The following CCDC170 variants were observed in gnomAD, a reference collection of about 807,000 sequenced individuals.
CCDC170 encodes coiled-coil domain-containing protein 170.
In CCDC170, 69 loss-of-function variants were observed where a neutral mutation model predicts 72.6. The observed-to-expected ratio is 0.95, with a 90% CI of 0.78 to 1.16. The LOEUF (loss-of-function observed/expected upper bound fraction) is 1.16. Ranked by LOEUF, CCDC170 falls within the 50% of genes most tolerant of loss-of-function variation. CCDC170 has a pLI of 0.00. For missense variants in CCDC170, 852 were observed against 832.5 expected (o/e 1.02, Z -0.29); for synonymous variants, 300 against 303.9 (o/e 0.99, Z 0.13).
intron 1 of CCDC170, among the ~76,000 whole-genome samples, chr6:151,518,136 C>T (rs1782263621): frequency 6.6e-6 from 1 of 152,162 alleles, no homozygotes; most frequent in African/African-American, 2.4e-5. Context: ...CAGAAGAAGG[C>T]AACCTTTCTC....
intron 9 of CCDC170, among the ~76,000 whole-genome samples, chr6:151,606,036 G>A (rs1374614424): frequency 1.3e-5 from 2 of 151,868 alleles, no homozygotes; most frequent in Non-Finnish European, 2.9e-5. Context: ...CAAGTAGCTG[G>A]GATTACAGGT....
At chr6:151,558,800 T>G (rs1783029387) in intron 5 of CCDC170, among the ~76,000 whole-genome samples, 1 of 152,198 alleles carries the variant, frequency 6.6e-6, no homozygotes, top group Non-Finnish European at 1.5e-5. Context: ...ATTATAGCCT[T>G]GAAGTATATT....
intron 1 of CCDC170, among the ~76,000 whole-genome samples, chr6:151,528,285 T>C (rs996673104): frequency 6.6e-6 from 1 of 152,046 alleles, no homozygotes; most frequent in Admixed American, 6.5e-5. Flanking sequence ...TAAGGGAAGA[T>C]TGTTTGATAC....
At chr6:151,605,872 A>G (rs886967095) in intron 9 of CCDC170, among the ~76,000 whole-genome samples, 5 of 148,684 alleles carry the variant, frequency 3.4e-5, no homozygotes, top group African/African-American at 1.2e-4. Flanking sequence ...GTTCCGGGGG[A>G]CAGTGCCACC....
chr6:151,507,534 G>T (rs1782082188), intron 1 of CCDC170, among the ~76,000 whole-genome samples: 1 of 152,094 alleles, frequency 6.6e-6, no homozygotes, highest in Non-Finnish European at 1.5e-5. Context: ...TGAAAGAAGG[G>T]ACCCATGAAG....
chr6:151,549,017 A>G (rs1388458399), intron 5 of CCDC170, among the ~76,000 whole-genome samples: 1 of 152,046 alleles, frequency 6.6e-6, no homozygotes, highest in East Asian at 1.9e-4. Context: ...CTCTCACCTC[A>G]GCCTCCCGAG....
At chr6:151,559,098 C>T (rs2115071034) in intron 5 of CCDC170, among the ~76,000 whole-genome samples, 1 of 148,436 alleles carries the variant, frequency 6.7e-6, no homozygotes, top group African/African-American at 2.5e-5. Flanking sequence ...CTGCAACTTC[C>T]ACCTCCCAGG....
At chr6:151,581,007 G>C (rs185920386) in intron 6 of CCDC170, among the ~76,000 whole-genome samples, 24 of 152,262 alleles carry the variant, frequency 1.6e-4, no homozygotes, top group African/African-American at 4.3e-4. Context: ...TTGCTAAGAA[G>C]TGCTAACAAT....
At chr6:151,527,888 TTTC>T (rs1009463273) in intron 1 of CCDC170, among the ~76,000 whole-genome samples, 195 of 152,258 alleles carry the variant, frequency 1.3e-3, no homozygotes, top group African/African-American at 4.4e-3. Flanking sequence ...AGGCAGTGAT[TTTC>T]TTCTTATTTT....
chr6:151,561,431 C>A (rs79439443), intron 5 of CCDC170, among the ~76,000 whole-genome samples: 3 of 151,956 alleles, frequency 2.0e-5, no homozygotes, highest in African/African-American at 7.3e-5. Context: ...AATTCTCTTA[C>A]TGTTTGCTTG....
intron 1 of CCDC170, among the ~76,000 whole-genome samples, chr6:151,515,573 G>A (rs1782223325): frequency 1.3e-5 from 2 of 152,210 alleles, no homozygotes; most frequent in African/African-American, 2.4e-5. Flanking sequence ...GTGAGCCACT[G>A]TGCAGGTGGG....
At chr6:151,611,708 T>C (rs912933740) in intron 9 of CCDC170, among the ~76,000 whole-genome samples, 1 of 152,018 alleles carries the variant, frequency 6.6e-6, no homozygotes, top group Non-Finnish European at 1.5e-5. Context: ...AGGTAAAAAC[T>C]GTTTTTGTTT....
intron 4 of CCDC170, among the ~76,000 whole-genome samples, chr6:151,546,330 T>C (rs1782771909): frequency 1.3e-5 from 2 of 152,176 alleles, no homozygotes; most frequent in South Asian, 4.1e-4. Flanking sequence ...AGAATTATCT[T>C]TCAAACCAAA....
chr6:151,516,309 G>T (rs1482530120), intron 1 of CCDC170, among the ~76,000 whole-genome samples: 1 of 152,120 alleles, frequency 6.6e-6, no homozygotes, highest in East Asian at 1.9e-4. Context: ...TTCCATCAAG[G>T]CTTGAACTAG....
At chr6:151,510,270 A>T (rs1270788670) in intron 1 of CCDC170, among the ~76,000 whole-genome samples, 1 of 152,218 alleles carries the variant, frequency 6.6e-6, no homozygotes, top group Non-Finnish European at 1.5e-5. Flanking sequence ...ATACTCAGTC[A>T]CTGGGGCTAC....
intron 5 of CCDC170, among the ~76,000 whole-genome samples, chr6:151,549,184 C>T (rs950259499): frequency 6.6e-5 from 10 of 152,148 alleles, no homozygotes; most frequent in Middle Eastern, 3.4e-3. Context: ...GAATTACAGG[C>T]GTGAGCCACC....
intron 5 of CCDC170, among the ~76,000 whole-genome samples, chr6:151,551,583 G>A (rs992493421): frequency 1.3e-5 from 2 of 152,208 alleles, no homozygotes; most frequent in African/African-American, 4.8e-5. Flanking sequence ...AGGGAAGCCA[G>A]GGGCCATGGT....
At chr6:151,536,572 C>G in intron 2 of CCDC170, 126 bp downstream of exon 2, 1 of 1,055,288 alleles carries the variant, frequency 9.5e-7, no homozygotes, top group Non-Finnish European at 1.4e-6. Flanking sequence ...GTCAAGAGAT[C>G]CAGACCATCC....
intron 9 of CCDC170, among the ~76,000 whole-genome samples, chr6:151,598,831 T>A (rs1776662513): frequency 6.6e-6 from 1 of 152,198 alleles, no homozygotes. Flanking sequence ...GTTTCCTGTA[T>A]CCAAAGGACT....
Sources: allele counts gnomAD v4.1 joint callset (sites outside exome capture counted in the v4.1 genomes callset), GRCh38; gene constraint gnomAD v4.1.1; transcripts MANE v1.5; gene names NCBI Gene and HGNC (gene_info 2026-07-23, HGNC 2026-07-21).